Variants in STK36 observed in about 807,000 individuals in gnomAD.
STK36 encodes serine/threonine kinase 36.
STK36 carries 116 observed loss-of-function variants against 142.2 expected under a neutral mutation model. The observed-to-expected ratio is 0.82, with a 90% CI of 0.70 to 0.95. The LOEUF (loss-of-function observed/expected upper bound fraction) is 0.95, where lower values mean the gene tolerates loss of function less well. STK36 is among the 40% of genes least tolerant of loss of function. STK36 has a pLI of 0.00. For synonymous variants in STK36, 619 were observed against 641.7 expected, an observed-to-expected ratio of 0.96 and a Z score of 0.53; for missense variants, 1,422 against 1,617.2, an observed-to-expected ratio of 0.88 and a Z score of 2.07.
Position 218,698,888 on chromosome 2 carries a change from G to T in STK36, c.3344G>T (p.Arg1115Leu). 1 of 1,614,150 alleles carries T rather than the reference G, an allele frequency of 6.2e-7. No individual in the cohort carries two copies. Among genetic ancestry groups the T allele is most frequent in the South Asian group, 1.1e-5 (1 of 91,082 alleles). The stretch of plus-strand genomic sequence containing the variant: ...TCTGATGAATCCTATCGGCCCCTGC[G>T]CAGCCTCCTGGGCCACCCAGAGAAT... ...AGSDESYRPL[R>L]SLLGHPENSV... is the part of the protein sequence containing the mutation. Residue 1115 changes from arginine to leucine, a missense_variant, in exon 26 of 27, where the codon CGC becomes CTC. Physicochemically the swap from Arg to Leu is moderately radical, Grantham distance 102. Coordinates refer to ENST00000295709, the MANE Select transcript of STK36 (RefSeq NM_015690.5).
chr2:218,692,582 G>A lies in STK36; in HGVS notation c.1916-1G>A, dbSNP rs1405666954. 1 of 1,610,556 alleles carries A rather than the reference G, an allele frequency of 6.2e-7. No individual in the cohort carries two copies. The stretch of plus-strand genomic sequence containing the variant: ...GAGTTACTCTTTGCTTTTCTCCACA[G>A]GAGCCCCGCAAGTGAGCCAGCCACT... On this transcript the variant is annotated splice_acceptor_variant, in intron 15 of 26. Coordinates refer to ENST00000295709, the MANE Select transcript of STK36 (RefSeq NM_015690.5). LOFTEE classifies it high-confidence loss of function.
At chr2:218,682,129 G>C (rs964567225) in intron 10 of STK36, among the ~76,000 whole-genome samples, 3 of 152,092 alleles carry the variant, frequency 2.0e-5, no homozygotes, top group African/African-American at 7.2e-5. Context: ...GTTTCACCAT[G>C]TTGGCTAGGC....
chr2:218,690,677 C>T, intron 14 of STK36, 122 bp downstream of exon 14: 2 of 794,040 alleles, frequency 2.5e-6, no homozygotes, highest in Non-Finnish European at 4.2e-6. Context: ...GTTAAATTCC[C>T]ACCATGCCAT....
At chr2:218,675,504 C>T (rs2106343241) in intron 5 of STK36, 31 bp downstream of exon 5, 3 of 1,573,666 alleles carry the variant, frequency 1.9e-6, no homozygotes, top group South Asian at 1.2e-5. Context: ...TCTAAGCTTC[C>T]AGTTCCACAC....
intron 26 of STK36, 112 bp downstream of exon 26, chr2:218,699,460 G>A (rs1941366107): frequency 1.4e-5 from 20 of 1,445,070 alleles, no homozygotes; most frequent in South Asian, 5.5e-5. Context: ...AACTTATGCC[G>A]TGTTTCTCCC....
chr2:218,698,135 C>A, intron 25 of STK36, 134 bp downstream of exon 25: 4 of 1,267,512 alleles, frequency 3.2e-6, no homozygotes, highest in Non-Finnish European at 4.3e-6. Context: ...CAAAAGTTGG[C>A]GTGGAGACAG....
intron 4 of STK36, among the ~76,000 whole-genome samples, 176 bp from the exon 5 acceptor site, chr2:218,675,167 G>A (rs1292289714): frequency 6.6e-6 from 1 of 152,106 alleles, no homozygotes; most frequent in Non-Finnish European, 1.5e-5. Context: ...GAATGAATGA[G>A]CAAATGAAAG....
intron 9 of STK36, 52 bp from the exon 10 acceptor site, chr2:218,680,551 C>A: frequency 6.7e-7 from 1 of 1,482,084 alleles, no homozygotes; most frequent in Non-Finnish European, 9.3e-7. Context: ...GTTAACGAAC[C>A]CTAAGAGTCA....
intron 6 of STK36, among the ~76,000 whole-genome samples, chr2:218,678,610 G>A (rs1215904773): frequency 6.6e-6 from 1 of 152,158 alleles, no homozygotes; most frequent in Admixed American, 6.5e-5. Flanking sequence ...TTCCTGATAA[G>A]GATAAGGTGT....
In STK36 at chr2:218,672,874, T is replaced by C; in HGVS notation, c.45T>C (p.Phe15=). The change falls in exon 2 of 27, where the codon TTT becomes TTC. Residue 15 remains phenylalanine (F), a synonymous_variant. Coordinates refer to ENST00000295709, the MANE Select transcript of STK36 (RefSeq NM_015690.5). ...HVLEMIGEGS[F]GRVYKGRRKY... ...TGGAGATGATTGGAGAAGGCTCTTT[T>C]GGGAGGGTGTACAAGGGTCGAAGAA... 2 of 1,614,128 alleles carry C rather than the reference T, an allele frequency of 1.2e-6. No homozygotes were observed. The highest frequency in any genetic ancestry group is 1.7e-6 in the Non-Finnish European group (2 of 1,179,984).
rs1343935200 is a variant in STK36 at position 218,694,524 on chromosome 2, G to C, written c.2401-1G>C. On this transcript the variant is annotated splice_acceptor_variant, in intron 20 of 26. Coordinates refer to ENST00000295709, the MANE Select transcript of STK36 (RefSeq NM_015690.5). LOFTEE classifies it high-confidence loss of function. The surrounding 1 kb of genome is among the most constrained non-coding windows in gnomAD (Gnocchi z 4.4). ...TTTCTCCTCTTTTACCTCTCCCACAGAGTGCAGCAGCCTGTCTATTGGGAC... is the reference window on the plus strand; with the variant it reads ...TTTCTCCTCTTTTACCTCTCCCACACAGTGCAGCAGCCTGTCTATTGGGAC... 6.2e-7 allele frequency: 1 copy of C among 1,613,974 alleles called. No homozygotes were observed. The highest frequency in any genetic ancestry group is 2.2e-5 in the East Asian group (1 of 44,880).
At chr2:218,692,436 G>A in intron 15 of STK36, 143 bp downstream of exon 15, 23 of 1,481,644 alleles carry the variant, frequency 1.6e-5, no homozygotes, top group South Asian at 1.2e-4. Context: ...AATGAATGGG[G>A]ATCTGAGGGA....
intron 11 of STK36, among the ~76,000 whole-genome samples, chr2:218,686,950 A>G (rs532769389): frequency 4.7e-4 from 72 of 152,336 alleles, no homozygotes; most frequent in Non-Finnish European, 4.1e-4. Flanking sequence ...CTTTTTTACT[A>G]TAGCCATTCT....
chr2:218,697,536 C>T lies in STK36; in HGVS notation c.2835C>T (p.Ser945=). Residue 945 remains serine (S), a synonymous_variant, in exon 24 of 27, where the codon TCC becomes TCT. Transcript: ENST00000295709. ...CCCAGTTATGCCTGAGCTGCCTGTCCCAGCATGGAAGTATCCTCATGTCCA... is the reference window on the plus strand; with the variant it reads ...CCCAGTTATGCCTGAGCTGCCTGTCTCAGCATGGAAGTATCCTCATGTCCA... ...QEPQLCLSCL[S]QHGSILMSIL... The T allele has an allele frequency of 6.2e-7, 1 of 1,614,204 alleles. No individual in the cohort carries two copies. The highest frequency in any genetic ancestry group is 8.5e-7 in the Non-Finnish European group (1 of 1,180,046).
chr2:218,675,134 G>A (rs931334675), intron 4 of STK36, among the ~76,000 whole-genome samples: 1 of 152,022 alleles, frequency 6.6e-6, no homozygotes, highest in African/African-American at 2.4e-5. Flanking sequence ...TAGTAAATGA[G>A]ATTCAATAAA....
intron 11 of STK36, among the ~76,000 whole-genome samples, chr2:218,686,918 G>C (rs1410968675): frequency 6.6e-6 from 1 of 152,136 alleles, no homozygotes; most frequent in Non-Finnish European, 1.5e-5. Flanking sequence ...TCACATCCTT[G>C]TCAACACTTG....
chr2:218,680,848 A>G, intron 10 of STK36, 146 bp downstream of exon 10: 1 of 608,054 alleles, frequency 1.6e-6, no homozygotes, highest in Non-Finnish European at 2.8e-6. Flanking sequence ...ATAGATTTTA[A>G]TTGTACAGTA....
intron 7 of STK36, 118 bp downstream of exon 7, chr2:218,679,379 C>T (rs1247756302): frequency 7.0e-6 from 9 of 1,290,342 alleles, no homozygotes; most frequent in South Asian, 6.7e-5. Context: ...GCAGCTTGAA[C>T]TTTCTTCCTA....
In STK36 at chr2:218,675,760, G is replaced by A. The variant is rs917299367; in HGVS notation, c.435-269G>A. On this transcript the variant is annotated intron_variant, in intron 5 of 26. Coordinates refer to ENST00000295709, the MANE Select transcript of STK36 (RefSeq NM_015690.5). ...GCTGGTCTCGAACTCCTGACCTCAG[G>A]TGATCTGCCCACCTCGGCCTCCCAA... 2.6e-5 allele frequency among the ~76,000 whole-genome samples: 4 copies of A among 152,032 alleles called. No homozygotes were observed. In the East Asian group the frequency reaches 5.8e-4, roughly 22 times the overall value.
Sources: gnomAD v4.1 joint callset for allele counts (sites outside exome capture counted in the v4.1 genomes callset) on GRCh38, gnomAD v4.1.1 for gene constraint, Gnocchi (gnomAD v3.1) non-coding constraint, MANE v1.5 for transcripts, NCBI Gene and HGNC (gene_info 2026-07-23, HGNC 2026-07-21) for gene names.